The following PML variants were observed in gnomAD, a reference collection of about 807,000 sequenced individuals.
PML encodes protein PML.
A neutral mutation model predicts 65.2 loss-of-function variants in PML; 28 were observed. The observed-to-expected ratio is 0.43, with a 90% CI of 0.32 to 0.59. PML has a LOEUF of 0.59. Among genes scored for constraint, PML ranks in the 20% least tolerant of loss-of-function variants. The pLI is 0.08. For missense variants in PML, 1,021 were observed against 1,203.4 expected, an observed-to-expected ratio of 0.85 and a Z score of 2.24; for synonymous variants, 500 against 508.8, an observed-to-expected ratio of 0.98 and a Z score of 0.23.
intron 2 of PML, among the ~76,000 whole-genome samples, chr15:74,008,521 G>C (rs1266063102): frequency 6.6e-6 from 1 of 152,098 alleles, no homozygotes; most frequent in African/African-American, 2.4e-5. Context: ...GGCAGATCAC[G>C]AGGTCAGGAG....
At chr15:74,002,619 T>TTC (rs1235928993) in intron 2 of PML, among the ~76,000 whole-genome samples, 1 of 149,972 alleles carries the variant, frequency 6.7e-6, no homozygotes, top group African/African-American at 2.4e-5. Flanking sequence ...AAGTTTTTTT[T>TTC]TTTTTTTTGT....
At chr15:73,995,146 A>G (rs2069414249) in intron 1 of PML, among the ~76,000 whole-genome samples, 1 of 152,102 alleles carries the variant, frequency 6.6e-6, no homozygotes, top group South Asian at 2.1e-4. Flanking sequence ...GACACGGAGG[A>G]GTTGGGGCGG....
At chr15:74,014,627 T>G (rs1248678450) in intron 2 of PML, among the ~76,000 whole-genome samples, 2 of 151,316 alleles carry the variant, frequency 1.3e-5, no homozygotes, top group Non-Finnish European at 2.9e-5. Context: ...CTGGGCGTGG[T>G]GGCGGGTGCC....
intron 2 of PML, 144 bp from the exon 3 acceptor site, chr15:74,022,684 A>G: frequency 1.3e-6 from 1 of 749,744 alleles, no homozygotes; most frequent in South Asian, 1.5e-5. Context: ...CCATAACCAC[A>G]AACACTGAAT....
intron 7 of PML, 191 bp downstream of exon 7, chr15:74,034,721 C>T: frequency 6.6e-7 from 1 of 1,510,440 alleles, no homozygotes; most frequent in Non-Finnish European, 8.9e-7. Context: ...CCCAGCCCTC[C>T]CACTACACCA....
At chr15:74,034,433 T>C (rs758314992) in intron 6 of PML, 45 bp from the exon 7 acceptor site, 1 of 1,613,936 alleles carries the variant, frequency 6.2e-7, no homozygotes, top group African/African-American at 1.3e-5. Context: ...CCTCCCAGCA[T>C]GCATCCTAGG....
chr15:73,998,936 A>C (rs2069633644), intron 2 of PML, among the ~76,000 whole-genome samples: 1 of 152,198 alleles, frequency 6.6e-6, no homozygotes, highest in Non-Finnish European at 1.5e-5. Flanking sequence ...AACCATTAAC[A>C]CCAGGCAGCG....
At chr15:74,013,195 T>G (rs2070410418) in intron 2 of PML, among the ~76,000 whole-genome samples, 1 of 152,220 alleles carries the variant, frequency 6.6e-6, no homozygotes, top group Non-Finnish European at 1.5e-5. Context: ...TTAAATTACT[T>G]CTCCTCCATC....
chr15:74,019,796 T>C (rs879939242), intron 2 of PML, among the ~76,000 whole-genome samples: 1 of 152,260 alleles, frequency 6.6e-6, no homozygotes, highest in Non-Finnish European at 1.5e-5. Context: ...ATCCTTCCAG[T>C]ACTCCTATTA....
chr15:74,003,671 C>G (rs1412575319), intron 2 of PML, among the ~76,000 whole-genome samples: 4 of 151,998 alleles, frequency 2.6e-5, no homozygotes, highest in African/African-American at 9.7e-5. Context: ...CTTTTGTAAA[C>G]ATCCTTTCTG....
At chr15:74,007,691 G>A (rs2070129925) in intron 2 of PML, among the ~76,000 whole-genome samples, 3 of 152,186 alleles carry the variant, frequency 2.0e-5, no homozygotes. Flanking sequence ...GCTGCCCTGG[G>A]GTGGCTGCCC....
chr15:74,043,316 C>T lies in PML; in HGVS notation c.1861+177C>T, dbSNP rs2071734087. The T allele has an allele frequency of 1.4e-6, 2 of 1,476,708 alleles. No homozygotes were observed. Among genetic ancestry groups the T allele is most frequent in the East Asian group, 2.5e-5 (1 of 40,714 alleles). 91.5% of individuals were successfully genotyped at this position (1,476,708 alleles called of 1,614,324 possible). On this transcript the variant is annotated intron_variant, in intron 8 of 8. Coordinates refer to ENST00000268058, the MANE Select transcript of PML (RefSeq NM_033238.3). This position sits in a 1 kb window ranked among gnomAD's most constrained non-coding sequence, Gnocchi z 4.3. ...GGGCTCCTGGCGTGTCATTTGCTGG[C>T]TTGAATAAAGATGTCCGCCTTATCC...
chr15:74,002,753 C>T (rs1361059417), intron 2 of PML, among the ~76,000 whole-genome samples: 4 of 152,052 alleles, frequency 2.6e-5, no homozygotes, highest in East Asian at 1.9e-4. Context: ...CATGTCTGGC[C>T]GAAACTTTCT....
At chr15:74,020,717 C>A (rs2070798372) in intron 2 of PML, among the ~76,000 whole-genome samples, 1 of 152,144 alleles carries the variant, frequency 6.6e-6, no homozygotes, top group Admixed American at 6.6e-5. Flanking sequence ...AAGGTGTCAG[C>A]AGGCTTTGCT....
At chr15:74,020,346 G>A (rs2070780418) in intron 2 of PML, among the ~76,000 whole-genome samples, 2 of 141,512 alleles carry the variant, frequency 1.4e-5, no homozygotes, top group Non-Finnish European at 3.0e-5. Context: ...CTGGAGTACA[G>A]TGGTGCAATT....
At position 74,042,262 on chromosome 15, in the gene PML, CT is replaced by C; in HGVS notation, c.1711-726del. 1 of 640,968 alleles carries C rather than the reference CT, an allele frequency of 1.6e-6. No individual in the cohort carries two copies. Among genetic ancestry groups the C allele is most frequent in the Non-Finnish European group, 1.9e-6 (1 of 515,088 alleles). The allele number at this position is 640,968 out of a possible 1,614,324, so 39.7% of individuals were successfully genotyped here. ...CCAAAACTCAGGTTTCTCTAAGCTGCTGGGGCAGATGCCAAGAGCCTCCACT... is the reference window on the plus strand; with the variant it reads ...CCAAAACTCAGGTTTCTCTAAGCTGCGGGGCAGATGCCAAGAGCCTCCACT... On this transcript the variant is annotated intron_variant, in intron 7 of 8. Transcript: ENST00000268058. The surrounding 1 kb of genome is among the most constrained non-coding windows in gnomAD (Gnocchi z 5.3).
At chr15:74,018,581 G>A (rs2070700870) in intron 2 of PML, among the ~76,000 whole-genome samples, 1 of 152,180 alleles carries the variant, frequency 6.6e-6, no homozygotes, top group African/African-American at 2.4e-5. Context: ...ACTCCTGGGT[G>A]TAGGCAATCC....
chr15:74,034,339 G>C, intron 6 of PML, 139 bp from the exon 7 acceptor site: 1 of 1,019,160 alleles, frequency 9.8e-7, no homozygotes, highest in Non-Finnish European at 1.6e-6. Context: ...GGCACACACA[G>C]TGGCTGTTCC....
At chr15:74,000,350 G>T (rs1370836584) in intron 2 of PML, among the ~76,000 whole-genome samples, 1 of 151,958 alleles carries the variant, frequency 6.6e-6, no homozygotes, top group Non-Finnish European at 1.5e-5. Flanking sequence ...CTGTCGCCCA[G>T]GCTGGAGTGC....
Sources: gnomAD v4.1 joint callset for allele counts (sites outside exome capture counted in the v4.1 genomes callset) on GRCh38, gnomAD v4.1.1 for gene constraint, Gnocchi (gnomAD v3.1) non-coding constraint, MANE v1.5 for transcripts, NCBI Gene and HGNC (gene_info 2026-07-23, HGNC 2026-07-21) for gene names.